The following GOLGA8B variants were observed in gnomAD, a reference collection of about 807,000 sequenced individuals.
GOLGA8B encodes the protein golgin A8 family member B.
Under a neutral mutation model 15.6 loss-of-function variants are expected in GOLGA8B, and 1 was observed. The ratio of observed to expected loss-of-function variants is 0.06; its 90% confidence interval spans 0.02 to 0.30. The LOEUF (loss-of-function observed/expected upper bound fraction) is 0.30, where lower values mean the gene tolerates loss of function less well. GOLGA8B is among the 10% of genes least tolerant of loss of function. The pLI, the probability that GOLGA8B is intolerant of heterozygous loss-of-function variation, is 1.00. For synonymous variants in GOLGA8B, 9 were observed against 80.3 expected (o/e 0.11, Z 4.75); for missense variants, 17 against 201.3 (o/e 0.08, Z 5.54).
At chr15:34,575,678 G>A (rs377139282) in intron 1 of GOLGA8B, among the ~76,000 whole-genome samples, 1 of 150,860 alleles carries the variant, frequency 6.6e-6, no homozygotes, top group Non-Finnish European at 1.5e-5. Context: ...GGGCTCTGAA[G>A]GGGCAAACCC....
intron 1 of GOLGA8B, among the ~76,000 whole-genome samples, chr15:34,581,050 G>A (rs1238308172): frequency 6.6e-6 from 1 of 152,202 alleles, no homozygotes; most frequent in Non-Finnish European, 1.5e-5. Context: ...TGTGATCTCT[G>A]CCGAAGACAT....
chr15:34,582,363 T>C lies in GOLGA8B; in HGVS notation c.-1123+1153A>G, dbSNP rs570880505. Among the ~76,000 whole-genome samples, 4 of 152,338 alleles carry C rather than the reference T, an allele frequency of 2.6e-5. No homozygotes were observed. In the East Asian group the frequency reaches 7.7e-4, roughly 29 times the overall value. On this transcript the variant is annotated intron_variant, in intron 1 of 23. Coordinates refer to ENST00000683415, the MANE Select transcript of GOLGA8B (RefSeq NM_001023567.5). The stretch of plus-strand genomic sequence containing the variant: ...CTCAGATCATTATTTCTAAAACCAC[T>C]GTCCTTTCTCAACGAGGAAGAAAAT...
intron 1 of GOLGA8B, among the ~76,000 whole-genome samples, chr15:34,573,600 T>C (rs1888985483): frequency 6.9e-6 from 1 of 145,922 alleles, no homozygotes; most frequent in Non-Finnish European, 1.5e-5. Context: ...CTTCCACACA[T>C]AGAAAATAAT....
At chr15:34,578,225 T>G (rs1270351650) in intron 1 of GOLGA8B, among the ~76,000 whole-genome samples, 2 of 152,196 alleles carry the variant, frequency 1.3e-5, no homozygotes, top group Non-Finnish European at 2.9e-5. Flanking sequence ...TGGCTTCAAG[T>G]GCAAAATGGA....
intron 1 of GOLGA8B, among the ~76,000 whole-genome samples, chr15:34,571,271 C>A (rs1888906641): frequency 6.6e-6 from 1 of 152,016 alleles, no homozygotes; most frequent in African/African-American, 2.4e-5. Flanking sequence ...CGTGTTTGCA[C>A]CGCTGCAATC....
At chr15:34,566,071 G>A (rs1239699698) in intron 1 of GOLGA8B, 4 of 112,890 alleles carry the variant, frequency 3.5e-5, no homozygotes, top group Non-Finnish European at 8.2e-5. Context: ...GTCACGCTAA[G>A]TCAAAGAAGC....
chr15:34,570,111 G>C (rs2140350412), intron 1 of GOLGA8B, among the ~76,000 whole-genome samples: 1 of 152,278 alleles, frequency 6.6e-6, no homozygotes, highest in South Asian at 2.1e-4. Context: ...TGTGCAACCA[G>C]GGGGCCACCA....
chr15:34,572,106 A>T (rs1284558122), intron 1 of GOLGA8B, among the ~76,000 whole-genome samples: 1 of 152,260 alleles, frequency 6.6e-6, no homozygotes, highest in African/African-American at 2.4e-5. Flanking sequence ...GAAATAAGCT[A>T]TCACTTCACA....
intron 1 of GOLGA8B, among the ~76,000 whole-genome samples, chr15:34,583,268 C>T (rs1889297807): frequency 6.6e-6 from 1 of 152,060 alleles, no homozygotes; most frequent in South Asian, 2.1e-4. Flanking sequence ...TGCCTGGTCC[C>T]CGCCGCACCC....
intron 1 of GOLGA8B, among the ~76,000 whole-genome samples, chr15:34,572,344 T>G (rs78889424): frequency 6.6e-6 from 1 of 152,178 alleles, no homozygotes; most frequent in Admixed American, 6.5e-5. Context: ...CCCACGCAGA[T>G]GCAAGGGTTT....
intron 1 of GOLGA8B, among the ~76,000 whole-genome samples, chr15:34,580,719 G>A (rs1428082184): frequency 3.3e-5 from 5 of 152,142 alleles, no homozygotes; most frequent in Admixed American, 1.3e-4. Flanking sequence ...GAAAGAGCCG[G>A]AGAAGCCTCT....
intron 1 of GOLGA8B, among the ~76,000 whole-genome samples, chr15:34,559,371 C>T (rs1183236007): frequency 6.9e-6 from 1 of 144,746 alleles, no homozygotes; most frequent in East Asian, 2.1e-4. Context: ...GTACTTAATG[C>T]CACTGAACTC....
chr15:34,571,432 T>G (rs2140351417), intron 1 of GOLGA8B, among the ~76,000 whole-genome samples: 1 of 151,644 alleles, frequency 6.6e-6, no homozygotes, highest in Middle Eastern at 3.4e-3. Flanking sequence ...GATAACTAAG[T>G]CTTACCAAAA....
intron 1 of GOLGA8B, among the ~76,000 whole-genome samples, chr15:34,570,474 G>A (rs1888884668): frequency 8.4e-6 from 1 of 118,730 alleles, no homozygotes; most frequent in African/African-American, 3.0e-5. Context: ...GGGGACTGCT[G>A]AGCTACAGGG....
At chr15:34,577,192 T>C (rs1889106906) in intron 1 of GOLGA8B, among the ~76,000 whole-genome samples, 1 of 152,024 alleles carries the variant, frequency 6.6e-6, no homozygotes, top group African/African-American at 2.4e-5. Context: ...ATGGCTCACT[T>C]ATTACACCAA....
rs1157039557 is a variant in GOLGA8B, at chr15:34,579,115, G to A, written c.-1123+4401C>T. 7.9e-5 allele frequency among the ~76,000 whole-genome samples: 12 copies of A among 152,144 alleles called. No individual in the cohort carries two copies. In the East Asian group the frequency reaches 2.1e-3, roughly 27 times the overall value. On this transcript the variant is annotated intron_variant, in intron 1 of 23. Coordinates refer to ENST00000683415, the MANE Select transcript of GOLGA8B (RefSeq NM_001023567.5). ...TGCGCACATTGCAGATGCTGAGAAA[G>A]ACTCTCAAGCCAGAAGACTGGCCCT...
intron 1 of GOLGA8B, among the ~76,000 whole-genome samples, chr15:34,577,559 C>G (rs1173951340): frequency 1.7e-5 from 2 of 120,948 alleles, no homozygotes; most frequent in Non-Finnish European, 3.6e-5. Context: ...CACACACACA[C>G]AGATGCGTCA....
chr15:34,532,336 C>G (rs1888162330), intron 11 of GOLGA8B, among the ~76,000 whole-genome samples: 1 of 59,882 alleles, frequency 1.7e-5, no homozygotes, highest in African/African-American at 3.1e-5. Context: ...CACGTACGGG[C>G]CAGGGACGGT....
chr15:34,575,417 C>T (rs60050999), intron 1 of GOLGA8B, among the ~76,000 whole-genome samples: 28,010 of 151,134 alleles, frequency 0.19, 3,425 homozygotes, highest in African/African-American at 0.34. Context: ...AAGCCAGCTG[C>T]AGAAATCACT....
Sources: gnomAD v4.1 joint callset for allele counts (sites outside exome capture counted in the v4.1 genomes callset) on GRCh38, gnomAD v4.1.1 for gene constraint, MANE v1.5 for transcripts, NCBI Gene and HGNC (gene_info 2026-07-23, HGNC 2026-07-21) for gene names.